ZNF630: variants seen among roughly 807,000 people sequenced by gnomAD.
The protein encoded by ZNF630 is zinc finger protein 630, also known as dJ54B20.2 (novel KRAB box containing C2H2 type zinc finger protein).
In ZNF630, 5 loss-of-function variants were observed where a neutral mutation model predicts 7.2. That is an observed-to-expected ratio of 0.70 (90% CI 0.36 to 1.46). The LOEUF (loss-of-function observed/expected upper bound fraction) is 1.46. ZNF630 is among the 40% of genes most tolerant of loss of function. The pLI, the probability that ZNF630 is intolerant of heterozygous loss-of-function variation, is 0.03. For missense variants in ZNF630, 461 were observed against 477.0 expected (o/e 0.97, Z 0.31); for synonymous variants, 158 against 162.8 (o/e 0.97, Z 0.23).
rs782002264 is a variant in ZNF630, at chrX:48,058,868, GAGA to G, written c.1571_1573del (p.Phe524del). The G allele has an allele frequency of 8.3e-6, 10 of 1,205,945 alleles. No individual in the cohort carries two copies. The highest frequency in any genetic ancestry group is 7.8e-6 in the Non-Finnish European group (7 of 892,613). ...ATGAATAATGAGGAGTGATTTCTGGGAGAAGGTTTTGCCACATTCACCACACTG... is the reference window on the plus strand; with the variant it reads ...ATGAATAATGAGGAGTGATTTCTGGGAGGTTTTGCCACATTCACCACACTG... On this transcript the variant is annotated inframe_deletion, in exon 5 of 5. Transcript: ENST00000276054.
Position 48,066,423 on chromosome X carries a change from T to C in ZNF630, c.15+449A>G, listed in dbSNP as rs192504001. The C allele has an allele frequency of 3.7e-4, 42 of 112,768 alleles. No homozygotes were observed. In the South Asian group the frequency reaches 5.6e-3, roughly 15 times the overall value. The allele number at this position is 112,768 out of a possible 1,213,427, so 9.3% of individuals were successfully genotyped here. A position where few individuals can be genotyped will look rare whatever the true frequency, so the allele number is the denominator to read the frequency against. On this transcript the variant is annotated intron_variant, in intron 2 of 4. Transcript: ENST00000276054. ...CTCTGAGATGACAGCAAAGGAGCCA[T>C]GGAAAACAAGGAAACTATCCCACTC...
chrX:48,069,735 G>T (rs781976803), intron 1 of ZNF630, among the ~76,000 whole-genome samples: 3 of 109,714 alleles, frequency 2.7e-5, no homozygotes, highest in Non-Finnish European at 5.7e-5. Flanking sequence ...AAAAAGTAAA[G>T]AACTCCTCCC....
intron 1 of ZNF630, among the ~76,000 whole-genome samples, chrX:48,069,848 T>TTTG (rs1556910733): frequency 4.3e-5 from 2 of 46,169 alleles, no homozygotes; most frequent in East Asian, 2.6e-3. Context: ...TCTGTTTTTT[T>TTTG]TTTTTTTGTT....
intron 2 of ZNF630, among the ~76,000 whole-genome samples, chrX:48,061,570 T>C (rs1225842174): frequency 2.7e-5 from 3 of 111,730 alleles, no homozygotes; most frequent in African/African-American, 9.8e-5. Context: ...TTTTAAAAAA[T>C]GGTTGATATG....
At chrX:48,061,526 C>T (rs2059105483) in intron 2 of ZNF630, among the ~76,000 whole-genome samples, 1 of 111,492 alleles carries the variant, frequency 9.0e-6, no homozygotes, top group South Asian at 3.7e-4. Context: ...ATAGAGAGAG[C>T]TCCTACAAAG....
intron 2 of ZNF630, among the ~76,000 whole-genome samples, chrX:48,065,438 A>G (rs1346217026): frequency 1.6e-5 from 1 of 60,802 alleles, no homozygotes; most frequent in Non-Finnish European, 3.7e-5. Flanking sequence ...CCGGTCTCAA[A>G]AAAAAAGAAA....
intron 1 of ZNF630, among the ~76,000 whole-genome samples, chrX:48,067,771 C>G (rs1200567291): frequency 9.0e-6 from 1 of 110,834 alleles, no homozygotes; most frequent in Non-Finnish European, 1.9e-5. Flanking sequence ...CCCATCTCTA[C>G]AAAAAATTAG....
Position 48,071,347 on chromosome X carries a change from CAG to C in ZNF630, c.-258_-257del, listed in dbSNP as rs2059159463. ...ATCCCCCGAAAGGCCATTTCCCTTC[CAG>C]TCTTCCCGGAGAGATGTCAGGGTGA... On this transcript the variant is annotated 5_prime_UTR_variant, in exon 1 of 5. It removes the in-frame stop codon of an upstream open reading frame in the 5' UTR. Transcript: ENST00000276054. The C allele has an allele frequency of 9.0e-6, 1 of 110,953 alleles. No homozygotes were observed. 9.1% of individuals were successfully genotyped at this position (110,953 alleles called of 1,213,427 possible). A position where few individuals can be genotyped will look rare whatever the true frequency, so the allele number is the denominator to read the frequency against.
At chrX:48,069,563 G>A (rs1207327987) in intron 1 of ZNF630, among the ~76,000 whole-genome samples, 1 of 111,138 alleles carries the variant, frequency 9.0e-6, no homozygotes, top group Non-Finnish European at 1.9e-5. Flanking sequence ...AAACTATGGC[G>A]AATAGGTAAC....
chrX:48,067,175 G>C, intron 1 of ZNF630, 114 bp from the exon 2 acceptor site: 1 of 294,354 alleles, frequency 3.4e-6, no homozygotes, highest in Non-Finnish European at 6.0e-6. Context: ...ACTAAAGACT[G>C]CTGCAAAGGC....
At chrX:48,066,747 GT>G in intron 2 of ZNF630, 124 bp downstream of exon 2, 4 of 894,111 alleles carry the variant, frequency 4.5e-6, no homozygotes, top group Non-Finnish European at 4.9e-6. Flanking sequence ...GGTGATCTGT[GT>G]ATCTTCACAG....
chrX:48,070,156 C>A (rs1208607079), intron 1 of ZNF630, among the ~76,000 whole-genome samples: 2 of 109,061 alleles, frequency 1.8e-5, no homozygotes, highest in Non-Finnish European at 3.8e-5. Context: ...CCACGCCCAG[C>A]CGATATTGTC....
chrX:48,060,125 G>T lies in ZNF630; in HGVS notation c.317C>A (p.Ala106Asp), dbSNP rs782765860. Residue 106 changes from alanine (A) to aspartate (D), a missense_variant, in exon 5 of 5, where the codon GCC becomes GAC. Ala to Asp is a moderately radical substitution (Grantham distance 126, BLOSUM62 -2). Coordinates refer to ENST00000276054, the MANE Select transcript of ZNF630 (RefSeq NM_001282201.2). ...AGAGTACAATGAATTATCCTTTGGGGCTCTTTCTAGTATCTCCCTTTGAAA... is the reference window on the plus strand; with the variant it reads ...AGAGTACAATGAATTATCCTTTGGGTCTCTTTCTAGTATCTCCCTTTGAAA... ...LLFQREILER[A>D]PKDNSLYSVL... 8.5e-7 allele frequency: 1 copy of T among 1,171,907 alleles called. No homozygotes were observed. The highest frequency in any genetic ancestry group is 2.5e-5 in the Admixed American group (1 of 39,912).
At chrX:48,062,642 G>A (rs1044974510) in intron 2 of ZNF630, among the ~76,000 whole-genome samples, 4 of 111,791 alleles carry the variant, frequency 3.6e-5, no homozygotes, top group Non-Finnish European at 5.6e-5. Context: ...GCTGAGGCAG[G>A]AGACTTGCTT....
chrX:48,058,728 C>A lies in ZNF630; in HGVS notation c.1714G>T (p.Glu572Ter). 8.3e-7 allele frequency: 1 copy of A among 1,207,365 alleles called. No homozygotes were observed. Among genetic ancestry groups the A allele is most frequent in the Non-Finnish European group, 1.1e-6 (1 of 892,660 alleles). The change falls in exon 5 of 5, where the codon GAA becomes TAA. Residue 572 changes from glutamate (E) to a stop codon, truncating the protein, a stop_gained. Transcript: ENST00000276054. LOFTEE classifies it low-confidence loss of function (END_TRUNC). ...AAGGCCTTTCCACATTCACTACATT[C>A]ATAGGGTTTCTCTCCAGTATGACCT... Reference protein sequence around the residue: ...QRGHTGEKPYECSECGKAFCG... With the variant: ...QRGHTGEKPY
At chrX:48,062,579 C>A (rs2059110359) in intron 2 of ZNF630, among the ~76,000 whole-genome samples, 1 of 111,730 alleles carries the variant, frequency 9.0e-6, no homozygotes, top group African/African-American at 3.3e-5. Context: ...ACTAAAAATA[C>A]AAAAATTAGC....
At position 48,059,477 on chromosome X, in the gene ZNF630, G is replaced by C. The variant is rs1328526765; in HGVS notation, c.965C>G (p.Thr322Ser). 4 of 1,206,075 alleles carry C rather than the reference G, an allele frequency of 3.3e-6. No homozygotes were observed. The highest frequency in any genetic ancestry group is 4.5e-6 in the Non-Finnish European group (4 of 892,819). Reference protein sequence around the residue: ...IHTGEKPYECTKYGRAFSRKS... With the variant: ...IHTGEKPYECSKYGRAFSRKS... ...CCGGGAGAATGCTCTTCCATACTTA[G>C]TACATTCATAGGGTTTCTCCCCAGT... The change falls in exon 5 of 5, where the codon ACT (threonine) becomes AGT (serine). Residue 322 changes from threonine (T) to serine (S), a missense_variant. Coordinates refer to ENST00000276054, the MANE Select transcript of ZNF630 (RefSeq NM_001282201.2).
At position 48,060,503 on chromosome X, in the gene ZNF630, T is replaced by C; in HGVS notation, c.185A>G (p.His62Arg). 1 of 1,207,180 alleles carries C rather than the reference T, an allele frequency of 8.3e-7. No individual in the cohort carries two copies. The highest frequency in any genetic ancestry group is 1.1e-6 in the Non-Finnish European group (1 of 892,609). ...IKPDVIFKLEHGKDPWIIESE... is the reference protein window; with the variant it reads ...IKPDVIFKLERGKDPWIIESE... ...CTCTATGATCCATGGGTCCTTTCCA[T>C]GTTCCAACTTAAAGATTACATCTGG... Residue 62 changes from histidine to arginine, a missense_variant, in exon 4 of 5, where the codon CAT becomes CGT. By Grantham distance (29) the His-to-Arg change is conservative. Coordinates refer to ENST00000276054, the MANE Select transcript of ZNF630 (RefSeq NM_001282201.2).
chrX:48,060,234 TACACACACACACACAC>T (rs56253151), intron 4 of ZNF630, 31 bp from the exon 5 acceptor site: 20,671 of 559,078 alleles, frequency 0.037, 479 homozygotes, highest in Middle Eastern at 0.055. Context: ...GAAAATCAAA[TACACACACACACACAC>T]ACACACACAC....
Sources: gnomAD v4.1 joint callset for allele counts (sites outside exome capture counted in the v4.1 genomes callset) on GRCh38, gnomAD v4.1.1 for gene constraint, MANE v1.5 for transcripts, NCBI Gene and HGNC (gene_info 2026-07-23, HGNC 2026-07-21) for gene names.